The following INPP4B variants were observed in gnomAD, a reference collection of about 807,000 sequenced individuals.
INPP4B encodes the protein inositol polyphosphate 4-phosphatase type II.
A neutral mutation model predicts 122.5 loss-of-function variants in INPP4B; 55 were observed. The ratio of observed to expected loss-of-function variants is 0.45; its 90% CI spans 0.36 to 0.56. INPP4B has a LOEUF of 0.56. Ranked by LOEUF, INPP4B falls within the 20% of genes least tolerant of loss-of-function variation. The pLI, the probability that INPP4B is intolerant of heterozygous loss-of-function variation, is 0.00. For missense variants in INPP4B, 1,000 were observed against 1,097.7 expected, an observed-to-expected ratio of 0.91 and a Z score of 1.26; for synonymous variants, 403 against 388.7, an observed-to-expected ratio of 1.04 and a Z score of -0.43.
chr4:142,147,030 C>T (rs1261327780), intron 17 of INPP4B, among the ~76,000 whole-genome samples: 7 of 152,310 alleles, frequency 4.6e-5, no homozygotes, highest in African/African-American at 7.2e-5. Context: ...TCACTTCCTT[C>T]GTGCTTCTCT....
intron 14 of INPP4B, among the ~76,000 whole-genome samples, chr4:142,197,954 A>G (rs569820879): frequency 2.6e-5 from 4 of 152,112 alleles, no homozygotes; most frequent in Non-Finnish European, 4.4e-5. Context: ...CATCTTAGTC[A>G]CGCTTAGATT....
intron 18 of INPP4B, among the ~76,000 whole-genome samples, chr4:142,132,391 T>A (rs1399911049): frequency 6.6e-6 from 1 of 152,182 alleles, no homozygotes; most frequent in Non-Finnish European, 1.5e-5. Flanking sequence ...TCTCTACTTC[T>A]TCATCCTTTA....
At chr4:142,647,474 A>C (rs554310133) in intron 2 of INPP4B, among the ~76,000 whole-genome samples, 1 of 152,204 alleles carries the variant, frequency 6.6e-6, no homozygotes, top group Non-Finnish European at 1.5e-5. Context: ...AAGGCCATCA[A>C]TGATAACTTG....
chr4:142,250,067 T>C (rs1439423695), intron 11 of INPP4B, among the ~76,000 whole-genome samples: 1 of 152,262 alleles, frequency 6.6e-6, no homozygotes. Context: ...CACATGTTTA[T>C]TACATACTGT....
intron 1 of INPP4B, among the ~76,000 whole-genome samples, chr4:142,817,155 G>C (rs1010666170): frequency 6.6e-6 from 1 of 152,088 alleles, no homozygotes; most frequent in Admixed American, 6.6e-5. Context: ...TGGGGATCAG[G>C]GAGGAAATGG....
chr4:142,579,247 G>T (rs1282336526), intron 2 of INPP4B, among the ~76,000 whole-genome samples: 1 of 152,012 alleles, frequency 6.6e-6, no homozygotes, highest in Non-Finnish European at 1.5e-5. Flanking sequence ...TAAATGCTGT[G>T]AAGGAGATAA....
chr4:142,515,369 C>T (rs950305616), intron 2 of INPP4B, among the ~76,000 whole-genome samples: 5 of 152,236 alleles, frequency 3.3e-5, no homozygotes, highest in South Asian at 2.1e-4. Context: ...GTCATGAAAA[C>T]GAAATGCTGA....
At chr4:142,171,649 C>G (rs1825681568) in intron 16 of INPP4B, among the ~76,000 whole-genome samples, 1 of 151,742 alleles carries the variant, frequency 6.6e-6, no homozygotes, top group Non-Finnish European at 1.5e-5. Context: ...CTTTGAAATT[C>G]CAGTCATGAA....
intron 2 of INPP4B, among the ~76,000 whole-genome samples, chr4:142,545,980 C>A (rs1829601748): frequency 1.3e-5 from 2 of 151,804 alleles, no homozygotes; most frequent in Admixed American, 1.3e-4. Flanking sequence ...AGATTTGTTA[C>A]ACAGGTAAAC....
rs1736347484 is a variant in INPP4B at position 142,024,289 on chromosome 4, A to G, written c.*4493T>C. 1 of 152,200 alleles carries G rather than the reference A, an allele frequency of 6.6e-6. No homozygotes were observed. Among genetic ancestry groups the G allele is most frequent in the South Asian group, 2.1e-4 (1 of 4,830 alleles). The allele number at this position is 152,200 out of a possible 1,614,324, so 9.4% of individuals were successfully genotyped here. On this transcript the variant is annotated 3_prime_UTR_variant, in exon 26 of 26. Transcript: ENST00000262992. Reference sequence around the variant, plus strand: ...TGGGACTTTATAAGCTAAGAAACATAAATACAGGTGGGAAAAAGCATAGCT... The same window carrying G: ...TGGGACTTTATAAGCTAAGAAACATGAATACAGGTGGGAAAAAGCATAGCT...
chr4:142,738,607 A>G (rs1057493884), intron 1 of INPP4B, among the ~76,000 whole-genome samples: 2 of 137,152 alleles, frequency 1.5e-5, no homozygotes, highest in Admixed American at 1.4e-4. Context: ...TTAAAGTATA[A>G]TAAAAACAAA....
At chr4:142,136,182 C>G (rs1224951012) in intron 18 of INPP4B, among the ~76,000 whole-genome samples, 4 of 152,168 alleles carry the variant, frequency 2.6e-5, no homozygotes, top group East Asian at 1.9e-4. Context: ...TCAGCCTCAC[C>G]CTGGCTCTTC....
chr4:142,796,572 G>A (rs577087351), intron 1 of INPP4B, among the ~76,000 whole-genome samples: 2 of 152,044 alleles, frequency 1.3e-5, no homozygotes, highest in South Asian at 4.2e-4. Flanking sequence ...TACCCATGGA[G>A]ATCCCCTCTT....
intron 20 of INPP4B, among the ~76,000 whole-genome samples, 191 bp from the exon 21 acceptor site, chr4:142,122,436 C>T (rs1796939447): frequency 6.6e-6 from 1 of 152,134 alleles, no homozygotes; most frequent in East Asian, 1.9e-4. Context: ...TTTCAATGGA[C>T]TTCAGAAGTC....
intron 25 of INPP4B, among the ~76,000 whole-genome samples, chr4:142,075,405 T>C (rs1770073538): frequency 6.6e-6 from 1 of 151,610 alleles, no homozygotes; most frequent in Non-Finnish European, 1.5e-5. Context: ...GGATATGCAC[T>C]AACCCCGACT....
chr4:142,827,945 T>C (rs1476207131), intron 1 of INPP4B, among the ~76,000 whole-genome samples: 1 of 152,062 alleles, frequency 6.6e-6, no homozygotes, highest in Non-Finnish European at 1.5e-5. Flanking sequence ...TGTAAGGTGA[T>C]ATGGAAAGAG....
intron 2 of INPP4B, among the ~76,000 whole-genome samples, chr4:142,680,757 C>A (rs1580696351): frequency 6.6e-6 from 1 of 151,968 alleles, no homozygotes; most frequent in East Asian, 1.9e-4. Context: ...AACTGTCTCC[C>A]TATTTCTGTC....
chr4:142,391,323 C>T (rs1162699120), intron 7 of INPP4B, among the ~76,000 whole-genome samples: 4 of 152,100 alleles, frequency 2.6e-5, no homozygotes, highest in African/African-American at 9.7e-5. Context: ...TCTGGGAAGC[C>T]GAGGCGGGTG....
At chr4:142,635,952 C>G (rs1370973297) in intron 2 of INPP4B, among the ~76,000 whole-genome samples, 1 of 152,040 alleles carries the variant, frequency 6.6e-6, no homozygotes, top group Non-Finnish European at 1.5e-5. Context: ...AAATAATTTT[C>G]GGTGATATGT....
Sources: allele counts gnomAD v4.1 joint callset (sites outside exome capture counted in the v4.1 genomes callset), GRCh38; gene constraint gnomAD v4.1.1; transcripts MANE v1.5; gene names NCBI Gene and HGNC (gene_info 2026-07-23, HGNC 2026-07-21).